KLB: variants seen among roughly 807,000 people sequenced by gnomAD.
The protein encoded by KLB is beta-klotho.
Under a neutral mutation model 88.4 loss-of-function variants are expected in KLB, and 44 were observed. That is an observed-to-expected ratio of 0.50 (90% CI 0.39 to 0.64). KLB has a LOEUF of 0.64. KLB is among the 30% of genes least tolerant of loss of function. The pLI is 0.00. For synonymous variants in KLB, 548 were observed against 513.4 expected (o/e 1.07, Z -0.91); for missense variants, 1,137 against 1,304.8 (o/e 0.87, Z 1.98).
Position 39,437,146 on chromosome 4 carries a change from G to T in KLB, c.1337-581G>T, listed in dbSNP as rs1743488977. On this transcript the variant is annotated intron_variant, in intron 2 of 4. Coordinates refer to ENST00000257408, the MANE Select transcript of KLB (RefSeq NM_175737.4). ...TGAGGAAACCGAGGCCAAGAAATTT[G>T]CCCAATAGCATGCTCCCTGGAGCAT... is the stretch of plus-strand genomic sequence containing the variant. Among the ~76,000 whole-genome samples, 8 of 152,162 alleles carry T rather than the reference G, an allele frequency of 5.3e-5. No individual in the cohort carries two copies. In the South Asian group the frequency reaches 1.7e-3, roughly 31 times the overall value.
chr4:39,435,572 T>C (rs900743844), intron 2 of KLB, among the ~76,000 whole-genome samples: 4 of 151,834 alleles, frequency 2.6e-5, no homozygotes. Flanking sequence ...ATTACAGGTG[T>C]CTGCCACCAC....
At chr4:39,425,225 G>A (rs1047842932) in intron 1 of KLB, among the ~76,000 whole-genome samples, 1 of 152,160 alleles carries the variant, frequency 6.6e-6, no homozygotes, top group Non-Finnish European at 1.5e-5. Flanking sequence ...ATCAAATTAT[G>A]AACTTTATTC....
intron 1 of KLB, among the ~76,000 whole-genome samples, chr4:39,428,120 T>C (rs539135555): frequency 9.2e-5 from 14 of 152,306 alleles, no homozygotes; most frequent in South Asian, 4.1e-4. Context: ...TTTGGGAATA[T>C]TTAAAACAAT....
rs753861169 is a variant in KLB at position 39,447,483 on chromosome 4, C to A, written c.2749+8C>A. On this transcript the variant is annotated splice_region_variant and intron_variant, in intron 4 of 4. Transcript: ENST00000257408. ...TTCAGGAGGTGCTGAAAGGTAAGGG[C>A]GGGGCCCCTTCAGACACAGGGCAGA... The A allele has an allele frequency of 1.1e-5, 17 of 1,549,682 alleles. No homozygotes were observed. Among genetic ancestry groups the A allele is most frequent in the Non-Finnish European group, 1.4e-5 (16 of 1,148,284 alleles).
At position 39,446,696 on chromosome 4, in the gene KLB, A is replaced by G. The variant is rs761155961; in HGVS notation, c.1970A>G (p.His657Arg). Residue 657 changes from histidine to arginine, a missense_variant, in exon 4 of 5, where the codon CAT becomes CGT. Coordinates refer to ENST00000257408, the MANE Select transcript of KLB (RefSeq NM_175737.4). This position sits in a 1 kb window ranked among gnomAD's most constrained non-coding sequence, Gnocchi z 6.4. ...CTAGGCCTCCCCGAGCCTCTGTTGC[A>G]TGCCGACGGGTGGCTGAACCCATCG... ...AHLGLPEPLL[H>R]ADGWLNPSTA... is the part of the protein sequence containing the mutation. 6.2e-7 allele frequency: 1 copy of G among 1,610,988 alleles called. No homozygotes were observed. Among genetic ancestry groups the G allele is most frequent in the Non-Finnish European group, 8.5e-7 (1 of 1,178,108 alleles).
intron 2 of KLB, among the ~76,000 whole-genome samples, chr4:39,436,131 A>T (rs542251780): frequency 6.6e-6 from 1 of 152,172 alleles, no homozygotes; most frequent in Non-Finnish European, 1.5e-5. Context: ...TGAGGTTACG[A>T]TGGTTCTGTT....
At chr4:39,434,835 T>G in intron 2 of KLB, 115 bp downstream of exon 2, 2 of 825,982 alleles carry the variant, frequency 2.4e-6, no homozygotes, top group African/African-American at 1.7e-5. Flanking sequence ...GAAACGGAGT[T>G]TCTCGCTGTC....
In KLB at chr4:39,449,253, A is replaced by T. The variant is rs916216310; in HGVS notation, c.*567A>T. On this transcript the variant is annotated 3_prime_UTR_variant, in exon 5 of 5. Transcript: ENST00000257408. ...TGAGGCAGAAGTTTGAACCCAGGAAACAGGTTACAGTAGGCCAAAATTGCG... is the reference window on the plus strand; with the variant it reads ...TGAGGCAGAAGTTTGAACCCAGGAATCAGGTTACAGTAGGCCAAAATTGCG... The T allele has an allele frequency of 2.6e-5, 4 of 151,738 alleles. No individual in the cohort carries two copies. Among genetic ancestry groups the T allele is most frequent in the South Asian group, 2.1e-4 (1 of 4,790 alleles). 9.4% of individuals were successfully genotyped at this position (151,738 alleles called of 1,614,324 possible).
chr4:39,412,791 G>A (rs965061192), intron 1 of KLB, among the ~76,000 whole-genome samples: 18 of 152,174 alleles, frequency 1.2e-4, no homozygotes, highest in Admixed American at 1.1e-3. Flanking sequence ...TATGTTCTCA[G>A]CACCTAGCAC....
At chr4:39,424,418 A>AG (rs1379912320) in intron 1 of KLB, among the ~76,000 whole-genome samples, 1 of 151,560 alleles carries the variant, frequency 6.6e-6, no homozygotes, top group Non-Finnish European at 1.5e-5. Context: ...AAGTCTCTTT[A>AG]GGGAATTTGC....
intron 1 of KLB, among the ~76,000 whole-genome samples, chr4:39,416,516 C>T (rs1188437000): frequency 1.3e-5 from 2 of 152,144 alleles, no homozygotes; most frequent in African/African-American, 2.4e-5. Flanking sequence ...TGCAGTGACT[C>T]ATGCCGGTAA....
intron 1 of KLB, among the ~76,000 whole-genome samples, chr4:39,417,102 G>A (rs201144328): frequency 8.7e-5 from 1 of 11,538 alleles, no homozygotes; most frequent in Non-Finnish European, 2.6e-3. Flanking sequence ...TTGAAAAAAA[G>A]GATTTTTTTA....
intron 1 of KLB, among the ~76,000 whole-genome samples, chr4:39,422,765 CTT>C (rs34484025): frequency 2.5e-4 from 37 of 146,160 alleles, no homozygotes; most frequent in East Asian, 4.0e-4. Context: ...TTCAGTCTAA[CTT>C]TTTTTTTTTT....
chr4:39,443,412 A>G (rs1332575010), intron 3 of KLB, among the ~76,000 whole-genome samples: 2 of 151,790 alleles, frequency 1.3e-5, no homozygotes, highest in African/African-American at 4.8e-5. Flanking sequence ...AAAAGGTGAT[A>G]TGTGCCATAT....
rs753318775 is a variant in KLB, at chr4:39,447,305, C to G, written c.2579C>G (p.Thr860Arg). Residue 860 changes from threonine (T) to arginine (R), a missense_variant, in exon 4 of 5, where the codon ACG becomes AGG. By Grantham distance (71) the Thr-to-Arg change is moderately conservative. Coordinates refer to ENST00000257408, the MANE Select transcript of KLB (RefSeq NM_175737.4). Reference sequence around the variant, plus strand: ...GACATCACCCGCCTGAGCTCCCCCACGCGCCTGGCTGTGATTCCCTGGGGG... The same window carrying G: ...GACATCACCCGCCTGAGCTCCCCCAGGCGCCTGGCTGTGATTCCCTGGGGG... ...LQDITRLSSP[T>R]RLAVIPWGVR... 6.2e-7 allele frequency: 1 copy of G among 1,614,074 alleles called. No homozygotes were observed. Among genetic ancestry groups the G allele is most frequent in the South Asian group, 1.1e-5 (1 of 91,066 alleles).
intron 1 of KLB, among the ~76,000 whole-genome samples, chr4:39,422,506 G>C (rs1284349354): frequency 1.3e-5 from 2 of 152,020 alleles, no homozygotes; most frequent in African/African-American, 4.8e-5. Context: ...TACCTACCTC[G>C]CAGAATTTCA....
Position 39,407,004 on chromosome 4 carries a change from A to G in KLB, c.55A>G (p.Thr19Ala). 1.2e-6 allele frequency: 2 copies of G among 1,614,140 alleles called. No homozygotes were observed. The highest frequency in any genetic ancestry group is 1.7e-6 in the Non-Finnish European group (2 of 1,179,986). ...AGGGAATGAATGGATTTTCTTCAGC[A>G]CTGATGAAATAACCACACGCTATAG... ...SPGNEWIFFS[T>A]DEITTRYRNT... Residue 19 changes from threonine (T) to alanine (A), a missense_variant, in exon 1 of 5, where the codon ACT (threonine) becomes GCT (alanine). By Grantham distance (58) the Thr-to-Ala change is moderately conservative. Transcript: ENST00000257408.
intron 1 of KLB, among the ~76,000 whole-genome samples, chr4:39,424,457 A>T (rs1362376609): frequency 6.6e-6 from 1 of 151,626 alleles, no homozygotes; most frequent in Non-Finnish European, 1.5e-5. Context: ...AATGCTTCCA[A>T]TTGCAACTAG....
At chr4:39,432,047 G>A (rs559135058) in intron 1 of KLB, among the ~76,000 whole-genome samples, 1 of 152,348 alleles carries the variant, frequency 6.6e-6, no homozygotes, top group East Asian at 1.9e-4. Flanking sequence ...AGCACTTTGG[G>A]AGGCCGAGGT....
Sources: gnomAD v4.1 joint callset for allele counts (sites outside exome capture counted in the v4.1 genomes callset) on GRCh38, gnomAD v4.1.1 for gene constraint, Gnocchi (gnomAD v3.1) non-coding constraint, MANE v1.5 for transcripts, NCBI Gene and HGNC (gene_info 2026-07-23, HGNC 2026-07-21) for gene names.